Variants in DMD observed in about 807,000 individuals in gnomAD.
DMD encodes dystrophin.
Under a neutral mutation model 330.1 loss-of-function variants are expected in DMD, and 63 were observed. The observed-to-expected ratio is 0.19, with a 90% CI of 0.16 to 0.24. The LOEUF (loss-of-function observed/expected upper bound fraction) is 0.24, where lower values mean the gene tolerates loss of function less well. Ranked by LOEUF, DMD falls within the 10% of genes least tolerant of loss-of-function variation. DMD has a pLI of 1.00. For missense variants in DMD, 3,344 were observed against 2,684.1 expected, an observed-to-expected ratio of 1.25 and a Z score of -5.43; for synonymous variants, 1,223 against 959.8, an observed-to-expected ratio of 1.27 and a Z score of -5.07.
At chrX:33,124,550 T>C (rs1440111922) in intron 1 of DMD, among the ~76,000 whole-genome samples, 2 of 102,810 alleles carry the variant, frequency 1.9e-5, no homozygotes, top group Non-Finnish European at 3.9e-5. Flanking sequence ...TTTTCTTCCT[T>C]GGCAAAATTG....
chrX:32,028,417 G>A (rs1157525478), intron 44 of DMD, among the ~76,000 whole-genome samples: 2 of 111,281 alleles, frequency 1.8e-5, no homozygotes, highest in Admixed American at 9.6e-5. Context: ...CCAAAGGAAA[G>A]TCTGTAATAT....
intron 74 of DMD, among the ~76,000 whole-genome samples, chrX:31,156,627 C>G (rs753905535): frequency 1.8e-5 from 2 of 112,035 alleles, no homozygotes; most frequent in East Asian, 5.6e-4. Context: ...GGTCGACATT[C>G]TATATGTCAA....
intron 64 of DMD, among the ~76,000 whole-genome samples, chrX:31,218,041 C>A (rs2148662169): frequency 9.0e-6 from 1 of 111,357 alleles, no homozygotes; most frequent in Non-Finnish European, 1.9e-5. Context: ...ATGAAATTCC[C>A]CCATTTTCCC....
intron 36 of DMD, among the ~76,000 whole-genome samples, 193 bp downstream of exon 36, chrX:32,364,389 A>G (rs1404366425): frequency 1.8e-5 from 2 of 112,067 alleles, no homozygotes; most frequent in Non-Finnish European, 3.8e-5. Flanking sequence ...TTTGAACAGA[A>G]AGTCAGATTA....
At chrX:33,239,301 A>AAAAAG (rs2052546294) in intron 1 of DMD, among the ~76,000 whole-genome samples, 3 of 92,525 alleles carry the variant, frequency 3.2e-5, no homozygotes, top group South Asian at 5.2e-4. Context: ...AAAAAAAAAA[A>AAAAAG]TGTCGAATGT....
intron 55 of DMD, among the ~76,000 whole-genome samples, chrX:31,569,623 C>T (rs28445453): frequency 4.6e-5 from 4 of 86,553 alleles, no homozygotes; most frequent in South Asian, 5.1e-4. Context: ...CGTATATATA[C>T]GTATATACGT....
At chrX:32,268,908 C>T (rs1185906437) in intron 43 of DMD, among the ~76,000 whole-genome samples, 2 of 108,652 alleles carry the variant, frequency 1.8e-5, no homozygotes, top group African/African-American at 3.4e-5. Flanking sequence ...GACCCCCCAC[C>T]CCCGCCACCC....
At chrX:32,156,959 T>C (rs1007269881) in intron 44 of DMD, among the ~76,000 whole-genome samples, 18 of 111,889 alleles carry the variant, frequency 1.6e-4, no homozygotes, top group African/African-American at 5.8e-4. Context: ...GCCAAGCGCC[T>C]ATTTACAGGC....
rs183649193 is a variant in DMD, at chrX:32,450,864, G to A, written c.3604-2226C>T. 4.1e-3 allele frequency among the ~76,000 whole-genome samples: 457 copies of A among 110,791 alleles called. 2 individuals are homozygous for A. The highest frequency in any genetic ancestry group is 0.014 in the Middle Eastern group (3 of 215). On this transcript the variant is annotated intron_variant, in intron 26 of 78. Transcript: ENST00000357033. ...GGTTTTTAGACTTCATATATTCTTG[G>A]TTTAATAAGAGGCTCAGATCTTGGG...
chrX:31,190,473 G>A (rs2042206646), intron 67 of DMD, among the ~76,000 whole-genome samples: 1 of 107,582 alleles, frequency 9.3e-6, no homozygotes. Flanking sequence ...TCTCAGGCAT[G>A]TAACCATGAA....
intron 57 of DMD, among the ~76,000 whole-genome samples, chrX:31,485,504 T>A (rs919095838): frequency 3.1e-4 from 35 of 111,903 alleles, no homozygotes; most frequent in African/African-American, 1.1e-3. Context: ...CCACTGATTA[T>A]TTTTTTCTGT....
At chrX:31,874,488 G>T in intron 48 of DMD, among the ~76,000 whole-genome samples, 1 of 111,489 alleles carries the variant, frequency 9.0e-6, no homozygotes, top group Middle Eastern at 4.6e-3. Context: ...TTAAAACAGG[G>T]ATAGAAAATG....
intron 34 of DMD, among the ~76,000 whole-genome samples, chrX:32,373,966 G>A (rs759771877): frequency 4.5e-5 from 5 of 111,507 alleles, no homozygotes; most frequent in Admixed American, 3.8e-4. Context: ...ATCAACATCC[G>A]TTATTTTCTG....
chrX:32,260,718 C>T (rs2097318695), intron 43 of DMD, among the ~76,000 whole-genome samples: 2 of 98,103 alleles, frequency 2.0e-5, no homozygotes, highest in Admixed American at 1.2e-4. Flanking sequence ...TCCTTCATTT[C>T]CAAGAACTAT....
chrX:31,943,876 A>AGT (rs1229911325), intron 45 of DMD, among the ~76,000 whole-genome samples: 1 of 62,649 alleles, frequency 1.6e-5, no homozygotes, highest in Non-Finnish European at 2.9e-5. Context: ...TTCCCCAGAG[A>AGT]GTGAGAGAGA....
At chrX:31,148,100 C>G (rs2036951800) in intron 74 of DMD, among the ~76,000 whole-genome samples, 1 of 111,183 alleles carries the variant, frequency 9.0e-6, no homozygotes, top group South Asian at 3.9e-4. Context: ...TCTCTCCTCC[C>G]CGCTGCCCTC....
chrX:33,113,202 C>G (rs1409351363), intron 1 of DMD, among the ~76,000 whole-genome samples: 3 of 107,048 alleles, frequency 2.8e-5, no homozygotes, highest in South Asian at 8.6e-4. Context: ...AACAGGCGCC[C>G]GCCACCATGC....
chrX:31,166,348 G>C (rs1165852267), intron 74 of DMD, among the ~76,000 whole-genome samples: 1 of 111,265 alleles, frequency 9.0e-6, no homozygotes, highest in Non-Finnish European at 1.9e-5. Context: ...TAAATATCTA[G>C]TCAGGAATGG....
At position 32,660,310 on chromosome X, in the gene DMD, T is replaced by C. The variant is rs1210448536; in HGVS notation, c.961-15158A>G. On this transcript the variant is annotated intron_variant, in intron 9 of 78. Coordinates refer to ENST00000357033, the MANE Select transcript of DMD (RefSeq NM_004006.3). The stretch of plus-strand genomic sequence containing the variant: ...ATCACTTCTGATTTGGTGAAGATAC[T>C]AGAAGAGGATTAAAGGATATGTACA... Among the ~76,000 whole-genome samples the C allele has an allele frequency of 4.5e-5, 5 of 110,581 alleles. No homozygotes were observed. In the East Asian group the frequency reaches 1.4e-3, roughly 31 times the overall value.
Sources: allele counts gnomAD v4.1 joint callset (sites outside exome capture counted in the v4.1 genomes callset), GRCh38; gene constraint gnomAD v4.1.1; transcripts MANE v1.5; gene names NCBI Gene and HGNC (gene_info 2026-07-23, HGNC 2026-07-21).